SIRT3: variants seen among roughly 807,000 people sequenced by gnomAD.
The protein encoded by SIRT3 is NAD-dependent protein deacetylase sirtuin-3, mitochondrial.
SIRT3 carries 26 observed loss-of-function variants against 33.5 expected under a neutral mutation model. The observed-to-expected ratio is 0.78, with a 90% CI of 0.57 to 1.08. SIRT3 has a LOEUF of 1.08. Among genes scored for constraint, SIRT3 ranks in the 50% least tolerant of loss-of-function variants. The pLI is 0.00. For missense variants in SIRT3, 585 were observed against 530.1 expected (o/e 1.10, Z -1.02); for synonymous variants, 237 against 222.1 (o/e 1.07, Z -0.60).
In SIRT3 at chr11:223,405, T is replaced by C; in HGVS notation, c.969+673A>G. On this transcript the variant is annotated intron_variant, in intron 5 of 6. Transcript: ENST00000382743. This position sits in a 1 kb window ranked among gnomAD's most constrained non-coding sequence, Gnocchi z 4.8. ...CAGACTGCGAGTCCAGTCCCCCTCC[T>C]CGCCATCCCTCAGGCGACCACAGCT... 8.4e-6 allele frequency: 2 copies of C among 237,738 alleles called. No homozygotes were observed. The highest frequency in any genetic ancestry group is 5.3e-5 in the South Asian group (1 of 19,030). The allele number at this position is 237,738 out of a possible 1,614,324, so 14.7% of individuals were successfully genotyped here. A position where few individuals can be genotyped will look rare whatever the true frequency, so the allele number is the denominator to read the frequency against.
chr11:225,342 G>A (rs969045993), intron 4 of SIRT3, among the ~76,000 whole-genome samples: 1 of 152,164 alleles, frequency 6.6e-6, no homozygotes, highest in Non-Finnish European at 1.5e-5. Flanking sequence ...AACCTGGGAG[G>A]CGGAGGTTGC....
Position 233,024 on chromosome 11 carries a change from A to G in SIRT3, c.665T>C (p.Leu222Pro), listed in dbSNP as rs200084876. 228 of 1,613,862 alleles carry G rather than the reference A, an allele frequency of 1.4e-4. No homozygotes were observed. Among genetic ancestry groups the G allele is most frequent in the Admixed American group, 7.8e-4 (47 of 59,986 alleles). Residue 222 changes from leucine (L) to proline (P), a missense_variant, in exon 3 of 7, where the codon CTT (leucine) becomes CCT (proline). Transcript: ENST00000382743. ...FLRLLHDKGLLLRLYTQNIDG... is the reference protein window; with the variant it reads ...FLRLLHDKGLPLRLYTQNIDG... ...GATGTTCTGCGTGTAGAGCCGCAGAAGCAGCCCCTTGTCATGAAGCAGCCG... is the reference window on the plus strand; with the variant it reads ...GATGTTCTGCGTGTAGAGCCGCAGAGGCAGCCCCTTGTCATGAAGCAGCCG...
upstream of SIRT3, chr11:236,354 CG>C (rs1554894198): frequency 1.6e-6 from 2 of 1,250,028 alleles, no homozygotes; most frequent in Non-Finnish European, 2.0e-6. Context: ...AGGAGTCCTC[CG>C]GACTCGCCCC....
At position 216,386 on chromosome 11, in the gene SIRT3, C is replaced by T. The variant is rs1227475050; in HGVS notation, c.*312G>A. The T allele has an allele frequency of 5.9e-6, 2 of 340,110 alleles. No individual in the cohort carries two copies. The highest frequency in any genetic ancestry group is 4.2e-5 in the African/African-American group (2 of 47,562). The allele number at this position is 340,110 out of a possible 1,614,324, so 21.1% of individuals were successfully genotyped here. A position where few individuals can be genotyped will look rare whatever the true frequency, so the allele number is the denominator to read the frequency against. On this transcript the variant is annotated 3_prime_UTR_variant, in exon 7 of 7. Coordinates refer to ENST00000382743, the MANE Select transcript of SIRT3 (RefSeq NM_012239.6). ...GTCTGGGATTCCAGTTGGTCTGATT[C>T]AGTTCAAGAGGGTCACAGTCAGAAG...
At position 223,536 on chromosome 11, in the gene SIRT3, T is replaced by G; in HGVS notation, c.969+542A>C. On this transcript the variant is annotated intron_variant, in intron 5 of 6. Transcript: ENST00000382743. The surrounding 1 kb of genome is among the most constrained non-coding windows in gnomAD (Gnocchi z 4.8). ...AGCTACGTCCCCGGGCCAGTCCCTG[T>G]GGATTTATCACTCCTCCCACTGCAG... 1 of 368,336 alleles carries G rather than the reference T, an allele frequency of 2.7e-6. No homozygotes were observed. Among genetic ancestry groups the G allele is most frequent in the South Asian group, 2.2e-5 (1 of 45,404 alleles). The allele number at this position is 368,336 out of a possible 1,614,324, so 22.8% of individuals were successfully genotyped here. A position where few individuals can be genotyped will look rare whatever the true frequency, so the allele number is the denominator to read the frequency against.
At position 230,950 on chromosome 11, in the gene SIRT3, C is replaced by T. The variant is rs377132073; in HGVS notation, c.707-398G>A. 7.9e-5 allele frequency among the ~76,000 whole-genome samples: 12 copies of T among 152,244 alleles called. No homozygotes were observed. The East Asian group carries it at 2.3e-3, about 29-fold the overall frequency. The stretch of plus-strand genomic sequence containing the variant: ...ACCGGCCTGGCCATCATGGTGAAAC[C>T]GTACCTCTACTAAAAATACAAAAAT... On this transcript the variant is annotated intron_variant, in intron 3 of 6. Coordinates refer to ENST00000382743, the MANE Select transcript of SIRT3 (RefSeq NM_012239.6).
chr11:231,246 C>T (rs1427093075), intron 3 of SIRT3, among the ~76,000 whole-genome samples: 1 of 152,130 alleles, frequency 6.6e-6, no homozygotes, highest in African/African-American at 2.4e-5. Context: ...TGAGACCAGC[C>T]TCAGCAACAT....
rs780830554 is a variant in SIRT3, at chr11:216,770, G to A, written c.1180-52C>T. 2.5e-6 allele frequency: 4 copies of A among 1,600,738 alleles called. No homozygotes were observed. In the Admixed American group the frequency reaches 5.0e-5, roughly 20 times the overall value. On this transcript the variant is annotated intron_variant, in intron 6 of 6. Coordinates refer to ENST00000382743, the MANE Select transcript of SIRT3 (RefSeq NM_012239.6). ...AGCTATCTGTTTACACACCCAGGCA[G>A]GCCAGCAGATCTCTGTTCAAACAGC...
Position 216,498 on chromosome 11 carries a change from G to A in SIRT3, c.*200C>T. 9.8e-6 allele frequency: 6 copies of A among 611,222 alleles called. No individual in the cohort carries two copies. In the South Asian group the frequency reaches 1.2e-4, roughly 12 times the overall value. 37.9% of individuals were successfully genotyped at this position (611,222 alleles called of 1,614,324 possible). A position where few individuals can be genotyped will look rare whatever the true frequency, so the allele number is the denominator to read the frequency against. On this transcript the variant is annotated 3_prime_UTR_variant, in exon 7 of 7. Coordinates refer to ENST00000382743, the MANE Select transcript of SIRT3 (RefSeq NM_012239.6). ...AGCTCCTTTGTATATGTGACGGGGT[G>A]GCCCTGACTGTAAACACAGCCCTAC...
chr11:223,351 C>T lies in SIRT3; in HGVS notation c.969+727G>A, dbSNP rs1026081869. Reference sequence around the variant, plus strand: ...CCCTGACCTTACAGACCAAGCCAGACGCCTCCTTCTCACGTCCCCAAAACA... The same window carrying T: ...CCCTGACCTTACAGACCAAGCCAGATGCCTCCTTCTCACGTCCCCAAAACA... On this transcript the variant is annotated intron_variant, in intron 5 of 6. Transcript: ENST00000382743. This position sits in a 1 kb window ranked among gnomAD's most constrained non-coding sequence, Gnocchi z 4.8. 7 of 214,922 alleles carry T rather than the reference C, an allele frequency of 3.3e-5. No individual in the cohort carries two copies. Among genetic ancestry groups the T allele is most frequent in the East Asian group, 2.6e-4 (2 of 7,648 alleles). The allele number at this position is 214,922 out of a possible 1,614,324, so 13.3% of individuals were successfully genotyped here.
At position 233,088 on chromosome 11, in the gene SIRT3, GGTACA is replaced by G. The variant is rs1564814354; in HGVS notation, c.596_600del (p.Leu199ProfsTer18). 6.2e-7 allele frequency: 1 copy of G among 1,614,144 alleles called. No homozygotes were observed. ...GTGACGTTGGGCTTGTAGTTTCCAG[GGTACA>G]GCTCCTTGGCCAAAGTGAAAAAGGG... On this transcript the variant is annotated frameshift_variant, in exon 3 of 7. Coordinates refer to ENST00000382743, the MANE Select transcript of SIRT3 (RefSeq NM_012239.6). LOFTEE classifies it high-confidence loss of function.
Position 218,892 on chromosome 11 carries a change from T to C in SIRT3, c.1119A>G (p.Leu373=). 2 of 1,614,114 alleles carry C rather than the reference T, an allele frequency of 1.2e-6. No homozygotes were observed. The highest frequency in any genetic ancestry group is 1.7e-6 in the Non-Finnish European group (2 of 1,180,004). Reference sequence around the variant, plus strand: ...CTTCTGTCCAGCCCAGAAGCTCCACTAGGCTTTCCACGCCGTGAACCACGT... The same window carrying C: ...CTTCTGTCCAGCCCAGAAGCTCCACCAGGCTTTCCACGCCGTGAACCACGT... ...LGDVVHGVES[L]VELLGWTEEM... Residue 373 remains leucine, a synonymous_variant, in exon 6 of 7, where the codon CTA becomes CTG. Coordinates refer to ENST00000382743, the MANE Select transcript of SIRT3 (RefSeq NM_012239.6).
At chr11:227,083 G>A (rs1048824758) in intron 4 of SIRT3, among the ~76,000 whole-genome samples, 2 of 151,620 alleles carry the variant, frequency 1.3e-5, no homozygotes, top group African/African-American at 2.4e-5. Context: ...AGAAATAAAA[G>A]AAAATTCATA....
chr11:216,792 C>T, intron 6 of SIRT3, 74 bp from the exon 7 acceptor site: 2 of 1,492,746 alleles, frequency 1.3e-6, no homozygotes, highest in Non-Finnish European at 1.9e-6. Flanking sequence ...TCTGTTCAAA[C>T]AGCTCTAGCT....
At position 218,991 on chromosome 11, in the gene SIRT3, T is replaced by G. The variant is rs2133798191; in HGVS notation, c.1020A>C (p.Arg340=). The change falls in exon 6 of 7, where the codon CGA becomes CGC. Residue 340 remains arginine (R), a synonymous_variant. Transcript: ENST00000382743. ...LTEAVRSSVP[R]LLINRDLVGP... ...CCACCAAGTCCCGGTTGATGAGCAGTCGGGGAACTGAGCTCCGCACGGCCT... is the reference window on the plus strand; with the variant it reads ...CCACCAAGTCCCGGTTGATGAGCAGGCGGGGAACTGAGCTCCGCACGGCCT... 2 of 1,614,052 alleles carry G rather than the reference T, an allele frequency of 1.2e-6. No homozygotes were observed. The highest frequency in any genetic ancestry group is 1.7e-6 in the Non-Finnish European group (2 of 1,180,000).
At position 223,563 on chromosome 11, in the gene SIRT3, A is replaced by G; in HGVS notation, c.969+515T>C. The G allele has an allele frequency of 2.5e-6, 1 of 402,724 alleles. No individual in the cohort carries two copies. The highest frequency in any genetic ancestry group is 4.7e-6 in the Non-Finnish European group (1 of 211,196). 24.9% of individuals were successfully genotyped at this position (402,724 alleles called of 1,614,324 possible). On this transcript the variant is annotated intron_variant, in intron 5 of 6. Coordinates refer to ENST00000382743, the MANE Select transcript of SIRT3 (RefSeq NM_012239.6). This position sits in a 1 kb window ranked among gnomAD's most constrained non-coding sequence, Gnocchi z 4.8. The stretch of plus-strand genomic sequence containing the variant: ...GATTTATCACTCCTCCCACTGCAGC[A>G]TCAGTATTCCTGATCTGACCTGGGA...
chr11:222,921 C>T (rs554832051), intron 5 of SIRT3: 1 of 152,438 alleles, frequency 6.6e-6, no homozygotes, highest in Admixed American at 6.5e-5. Context: ...TCTAGCCTTT[C>T]TATCCTACTT....
chr11:217,072 A>G (rs1409049032), intron 6 of SIRT3, among the ~76,000 whole-genome samples: 3 of 152,252 alleles, frequency 2.0e-5, no homozygotes, highest in Non-Finnish European at 2.9e-5. Flanking sequence ...TTTCTCTGAA[A>G]CTAGATTATA....
At chr11:227,491 G>A (rs985371047) in intron 4 of SIRT3, among the ~76,000 whole-genome samples, 2 of 152,028 alleles carry the variant, frequency 1.3e-5, no homozygotes, top group African/African-American at 4.8e-5. Flanking sequence ...GCAGAGAACA[G>A]ATAGCAACAG....
Sources: gnomAD v4.1 joint callset for allele counts (sites outside exome capture counted in the v4.1 genomes callset) on GRCh38, gnomAD v4.1.1 for gene constraint, Gnocchi (gnomAD v3.1) non-coding constraint, MANE v1.5 for transcripts, NCBI Gene and HGNC (gene_info 2026-07-23, HGNC 2026-07-21) for gene names.